Variants in C12orf42 observed in about 807,000 individuals in gnomAD.
C12orf42 encodes the protein uncharacterized protein C12orf42.
C12orf42 carries 25 observed loss-of-function variants against 21.6 expected under a neutral mutation model. That is an observed-to-expected ratio of 1.16 (90% CI 0.84 to 1.62). The LOEUF (loss-of-function observed/expected upper bound fraction) is 1.62. Ranked by LOEUF, C12orf42 falls within the 40% of genes most tolerant of loss-of-function variation. The probability of loss-of-function intolerance (pLI) is 0.00; values close to 1 mark genes in which losing one functional copy is unlikely to be tolerated. For synonymous variants in C12orf42, 174 were observed against 175.0 expected (o/e 0.99, Z 0.05); for missense variants, 483 against 459.3 (o/e 1.05, Z -0.47).
rs1954991315 is a variant in C12orf42 at position 103,488,597 on chromosome 12, A to G, written c.-22+7305T>C. 3.9e-5 allele frequency among the ~76,000 whole-genome samples: 6 copies of G among 152,194 alleles called. No individual in the cohort carries two copies. The South Asian group carries it at 1.2e-3, about 32-fold the overall frequency. ...TTACTTTCACGTACACCAATCAAAC[A>G]TAGATTTGGTCTTTTCACATAGTCC... is the stretch of plus-strand genomic sequence containing the variant. On this transcript the variant is annotated intron_variant, in intron 1 of 5. Coordinates refer to ENST00000548883, the MANE Select transcript of C12orf42 (RefSeq NM_198521.5).
the C12orf42 span, among the ~76,000 whole-genome samples, chr12:103,086,860 G>A: frequency 6.6e-6 from 1 of 152,080 alleles, no homozygotes; most frequent in Non-Finnish European, 1.5e-5. Context: ...TGGAAGCAGG[G>A]AAGGCTTAAG....
At position 103,317,409 on chromosome 12, in the gene C12orf42, C is replaced by T. The variant is rs190741373; in HGVS notation, c.260-11064G>A. On this transcript the variant is annotated intron_variant, in intron 4 of 5. Coordinates refer to ENST00000548883, the MANE Select transcript of C12orf42 (RefSeq NM_198521.5). ...CCAGGATACCGCCTCTTCCCCATGA[C>T]ATCATCAGCCTTATTCAGTTGCATG... Among the ~76,000 whole-genome samples the T allele has an allele frequency of 3.9e-5, 6 of 152,360 alleles. No individual in the cohort carries two copies. In the East Asian group the frequency reaches 1.2e-3, roughly 29 times the overall value.
chr12:103,162,990 T>C, the C12orf42 span: 2 of 152,212 alleles, frequency 1.3e-5, no homozygotes, highest in Non-Finnish European at 2.9e-5. Flanking sequence ...GTAAATTACA[T>C]TTGAAATCCA....
At chr12:103,510,860 A>G in the C12orf42 span, among the ~76,000 whole-genome samples, 1 of 152,174 alleles carries the variant, frequency 6.6e-6, no homozygotes, top group African/African-American at 2.4e-5. Context: ...TGCACAGGCT[A>G]CAATCCTCTT....
chr12:103,532,810 C>A, the C12orf42 span, among the ~76,000 whole-genome samples: 1 of 152,068 alleles, frequency 6.6e-6, no homozygotes, highest in Non-Finnish European at 1.5e-5. Flanking sequence ...TGAGGATGAC[C>A]GCCGTAACCA....
At position 103,451,004 on chromosome 12, in the gene C12orf42, C is replaced by T. The variant is rs945537305; in HGVS notation, c.78+27345G>A. Among the ~76,000 whole-genome samples the T allele has an allele frequency of 1.8e-4, 28 of 152,094 alleles. 1 individual carries two copies. The highest frequency in any genetic ancestry group is 5.5e-4 in the African/African-American group (23 of 41,470). On this transcript the variant is annotated intron_variant, in intron 2 of 5. Coordinates refer to ENST00000548883, the MANE Select transcript of C12orf42 (RefSeq NM_198521.5). The stretch of plus-strand genomic sequence containing the variant: ...TTAAATGTATTTGCTGAAAATTATA[C>T]GCACAGTTGTTTTCAAGACATCTCC...
the C12orf42 span, among the ~76,000 whole-genome samples, chr12:103,113,641 A>G: frequency 6.6e-6 from 1 of 152,166 alleles, no homozygotes; most frequent in Non-Finnish European, 1.5e-5. Flanking sequence ...TGCACATATT[A>G]ACCTCCTGAC....
intron 4 of C12orf42, among the ~76,000 whole-genome samples, chr12:103,278,750 T>C (rs1326815227): frequency 6.6e-6 from 1 of 152,374 alleles, no homozygotes; most frequent in South Asian, 2.1e-4. Flanking sequence ...CACTCAGTAT[T>C]TTTGGCCTGT....
chr12:103,161,832 T>C, the C12orf42 span, among the ~76,000 whole-genome samples: 1 of 152,194 alleles, frequency 6.6e-6, no homozygotes, highest in Non-Finnish European at 1.5e-5. Flanking sequence ...TATTTGTTTG[T>C]GAAGAACTTT....
At chr12:103,312,323 G>A (rs1361387557) in intron 4 of C12orf42, among the ~76,000 whole-genome samples, 6 of 152,164 alleles carry the variant, frequency 3.9e-5, no homozygotes, top group Non-Finnish European at 5.9e-5. Context: ...TTGATGAAGC[G>A]AGGTGGATGC....
chr12:103,308,097 C>T (rs1486528239), intron 4 of C12orf42, among the ~76,000 whole-genome samples: 1 of 152,112 alleles, frequency 6.6e-6, no homozygotes, highest in Admixed American at 6.5e-5. Context: ...CTCAGTTTCT[C>T]ATTCATAAAA....
chr12:103,106,227 G>T, the C12orf42 span, among the ~76,000 whole-genome samples: 2 of 152,032 alleles, frequency 1.3e-5, no homozygotes, highest in Non-Finnish European at 2.9e-5. Flanking sequence ...ACTTAAGAAT[G>T]TGAGTAAATA....
chr12:103,210,958 C>G, the C12orf42 span, among the ~76,000 whole-genome samples: 1 of 152,038 alleles, frequency 6.6e-6, no homozygotes, highest in Non-Finnish European at 1.5e-5. Context: ...CACATCCAGC[C>G]CGGATGACAA....
At chr12:103,245,780 G>A (rs1412185560) in intron 10 of C12orf42, among the ~76,000 whole-genome samples, 2 of 152,058 alleles carry the variant, frequency 1.3e-5, no homozygotes, top group Admixed American at 1.3e-4. Context: ...TTATGATTTA[G>A]ATGAGATATG....
chr12:103,337,763 C>A (rs2041828448), intron 4 of C12orf42, among the ~76,000 whole-genome samples: 1 of 152,146 alleles, frequency 6.6e-6, no homozygotes, highest in African/African-American at 2.4e-5. Flanking sequence ...CTCCTCAGAA[C>A]AAAACCTCAT....
rs555933311 is a variant in C12orf42 at position 103,285,542 on chromosome 12, A to G, written n.338-8332T>C. ...ATAATAGAATACAAATAACTGTTTA[A>G]TGATAAGGAAGAAGCCTTTGATAGA... is the stretch of plus-strand genomic sequence containing the variant. On this transcript the variant is annotated intron_variant and non_coding_transcript_variant, in intron 4 of 6. Coordinates refer to the C12orf42 transcript ENST00000546526. Among the ~76,000 whole-genome samples, 17 of 152,336 alleles carry G rather than the reference A, an allele frequency of 1.1e-4. No homozygotes were observed. The South Asian group carries it at 3.3e-3, about 30-fold the overall frequency.
the C12orf42 span, among the ~76,000 whole-genome samples, chr12:103,201,470 T>C: frequency 6.6e-6 from 1 of 152,032 alleles, no homozygotes; most frequent in African/African-American, 2.4e-5. Flanking sequence ...TGTTGTTGCA[T>C]AGAATAAGAG....
At chr12:103,205,773 T>C in the C12orf42 span, among the ~76,000 whole-genome samples, 1 of 152,042 alleles carries the variant, frequency 6.6e-6, no homozygotes, top group Admixed American at 6.6e-5. Flanking sequence ...TAAAATAGAA[T>C]ACAATGCTGA....
the C12orf42 span, among the ~76,000 whole-genome samples, chr12:103,183,688 T>C: frequency 4.6e-5 from 7 of 152,200 alleles, no homozygotes; most frequent in South Asian, 1.0e-3. Context: ...TCTTTTCTAA[T>C]GTAAACTTTT....
Sources: allele counts gnomAD v4.1 joint callset (sites outside exome capture counted in the v4.1 genomes callset), GRCh38; gene constraint gnomAD v4.1.1; transcripts MANE v1.5; gene names NCBI Gene and HGNC (gene_info 2026-07-23, HGNC 2026-07-21).